SLC44A5: variants seen among roughly 807,000 people sequenced by gnomAD.
SLC44A5 encodes the protein choline transporter-like protein 5.
Under a neutral mutation model 101.8 loss-of-function variants are expected in SLC44A5, and 57 were observed. The ratio of observed to expected loss-of-function variants is 0.56; its 90% CI spans 0.45 to 0.70. SLC44A5 has a LOEUF of 0.70. Among genes scored for constraint, SLC44A5 ranks in the 30% least tolerant of loss-of-function variants. The pLI is 0.00. For synonymous variants in SLC44A5, 281 were observed against 290.9 expected, an observed-to-expected ratio of 0.97 and a Z score of 0.35; for missense variants, 737 against 853.1, an observed-to-expected ratio of 0.86 and a Z score of 1.70.
At chr1:75,309,927 G>A (rs560901566) in intron 4 of SLC44A5, among the ~76,000 whole-genome samples, 1 of 152,224 alleles carries the variant, frequency 6.6e-6, no homozygotes, top group Non-Finnish European at 1.5e-5. Context: ...ATTCTTTTTT[G>A]TGAATATTTG....
At chr1:75,704,978 T>C in the SLC44A5 span, among the ~76,000 whole-genome samples, 1 of 152,308 alleles carries the variant, frequency 6.6e-6, no homozygotes, top group East Asian at 1.9e-4. Context: ...GATTCTTGTA[T>C]CATGTATCAT....
intron 2 of SLC44A5, among the ~76,000 whole-genome samples, chr1:75,489,688 C>A (rs930639936): frequency 1.3e-5 from 2 of 152,000 alleles, no homozygotes; most frequent in Non-Finnish European, 2.9e-5. Flanking sequence ...ATTGGCAAGT[C>A]AAGAACACAA....
the SLC44A5 span, among the ~76,000 whole-genome samples, chr1:75,637,446 G>C: frequency 2.6e-5 from 4 of 151,972 alleles, no homozygotes; most frequent in Non-Finnish European, 4.4e-5. Flanking sequence ...TAAGTATCTA[G>C]AATAGTCAAA....
chr1:75,584,658 T>G (rs1441146025), intron 1 of SLC44A5, among the ~76,000 whole-genome samples: 9 of 152,104 alleles, frequency 5.9e-5, no homozygotes. Flanking sequence ...AGTGGTGAGA[T>G]CTCAGTTCAC....
chr1:75,488,070 G>A (rs1452560394), intron 2 of SLC44A5, among the ~76,000 whole-genome samples: 1 of 151,988 alleles, frequency 6.6e-6, no homozygotes, highest in East Asian at 1.9e-4. Context: ...ATCTGTTGCT[G>A]TCTCCCATCA....
chr1:75,398,901 T>C (rs1012971940), intron 2 of SLC44A5, among the ~76,000 whole-genome samples: 2 of 151,976 alleles, frequency 1.3e-5, no homozygotes, highest in Non-Finnish European at 1.5e-5. Flanking sequence ...GACTGGAATC[T>C]AGTGTGAGAG....
At chr1:75,291,973 C>T (rs1481781890) in intron 5 of SLC44A5, among the ~76,000 whole-genome samples, 2 of 147,538 alleles carry the variant, frequency 1.4e-5, no homozygotes, top group Non-Finnish European at 3.0e-5. Flanking sequence ...GATCGCGCCA[C>T]TGCACTCCAG....
Position 75,295,094 on chromosome 1 carries a change from G to A in SLC44A5, c.175+5518C>T, listed in dbSNP as rs770815353. On this transcript the variant is annotated intron_variant, in intron 5 of 23. Transcript: ENST00000370859. ...AGGTGATATATCTGTTAGCCTGACT[G>A]TGGAGATCATTACACAAGATATACA... 9.2e-5 allele frequency among the ~76,000 whole-genome samples: 14 copies of A among 152,294 alleles called. 1 individual carries two copies. Among genetic ancestry groups the A allele is most frequent in the South Asian group, 4.1e-4 (2 of 4,826 alleles).
intron 14 of SLC44A5, among the ~76,000 whole-genome samples, chr1:75,221,585 T>C (rs1647082240): frequency 6.6e-6 from 1 of 152,320 alleles, no homozygotes; most frequent in Middle Eastern, 3.4e-3. Flanking sequence ...GAAAATTATG[T>C]CACTCAGACA....
the SLC44A5 span, chr1:75,641,577 C>A: frequency 2.6e-6 from 4 of 1,512,978 alleles, no homozygotes; most frequent in Non-Finnish European, 3.7e-6. Context: ...TCTACATGAT[C>A]TTCCCCTTCA....
At chr1:75,222,781 A>G (rs1338270057) in intron 13 of SLC44A5, among the ~76,000 whole-genome samples, 1 of 152,186 alleles carries the variant, frequency 6.6e-6, no homozygotes, top group Non-Finnish European at 1.5e-5. Context: ...AGGTAGTTCT[A>G]TTTTAGATGT....
chr1:75,334,585 C>T (rs1044693040), intron 4 of SLC44A5, among the ~76,000 whole-genome samples: 2 of 152,092 alleles, frequency 1.3e-5, no homozygotes, highest in Non-Finnish European at 2.9e-5. Context: ...ATTGTAGTTA[C>T]ATTCACCAAG....
At chr1:75,680,602 A>T in the SLC44A5 span, among the ~76,000 whole-genome samples, 2 of 151,368 alleles carry the variant, frequency 1.3e-5, no homozygotes, top group Non-Finnish European at 2.9e-5. Flanking sequence ...TCTGGGACGC[A>T]TTCAAAGCAG....
chr1:75,255,226 G>C (rs981893685), intron 6 of SLC44A5, among the ~76,000 whole-genome samples: 1 of 151,692 alleles, frequency 6.6e-6, no homozygotes, highest in African/African-American at 2.4e-5. Context: ...TGTAGCATCA[G>C]GCATATATGA....
chr1:75,384,153 G>C (rs7552855), intron 3 of SLC44A5, among the ~76,000 whole-genome samples: 77,158 of 151,202 alleles, frequency 0.51, 21,486 homozygotes, highest in East Asian at 0.94. Context: ...ATGAACTAAC[G>C]AGCAAAATAA....
intron 3 of SLC44A5, among the ~76,000 whole-genome samples, chr1:75,370,979 G>T (rs998189122): frequency 1.3e-5 from 2 of 152,138 alleles, no homozygotes; most frequent in Non-Finnish European, 2.9e-5. Flanking sequence ...GGCATATTAA[G>T]AAAGAGGAGT....
At chr1:75,593,607 T>C (rs1295480483) in intron 1 of SLC44A5, among the ~76,000 whole-genome samples, 2 of 152,070 alleles carry the variant, frequency 1.3e-5, no homozygotes, top group South Asian at 2.1e-4. Flanking sequence ...AACACATGAA[T>C]AGATAAAGAA....
chr1:75,301,223 G>A (rs1654427481), intron 4 of SLC44A5, among the ~76,000 whole-genome samples: 1 of 152,124 alleles, frequency 6.6e-6, no homozygotes, highest in African/African-American at 2.4e-5. Flanking sequence ...TGCCTCAAAA[G>A]TATAAGTTTT....
chr1:75,610,497 C>T (rs1228792946), intron 1 of SLC44A5, among the ~76,000 whole-genome samples: 2 of 152,034 alleles, frequency 1.3e-5, no homozygotes, highest in Non-Finnish European at 2.9e-5. Flanking sequence ...TAAAACATGG[C>T]ATCTGGTTTC....
Sources: gnomAD v4.1 joint callset for allele counts (sites outside exome capture counted in the v4.1 genomes callset) on GRCh38, gnomAD v4.1.1 for gene constraint, MANE v1.5 for transcripts, NCBI Gene and HGNC (gene_info 2026-07-23, HGNC 2026-07-21) for gene names.